DCLK1: variants seen among roughly 807,000 people sequenced by gnomAD.
DCLK1 encodes doublecortin like kinase 1.
A neutral mutation model predicts 86.2 loss-of-function variants in DCLK1; 16 were observed. The observed-to-expected ratio is 0.19, with a 90% CI of 0.13 to 0.28. The LOEUF is 0.28. Among genes scored for constraint, DCLK1 ranks in the 10% least tolerant of loss-of-function variants. DCLK1 has a pLI of 1.00. For synonymous variants in DCLK1, 369 were observed against 370.5 expected (o/e 1.00, Z 0.05); for missense variants, 590 against 940.2 (o/e 0.63, Z 4.87).
chr13:35,850,742 T>C (rs745518715), intron 6 of DCLK1: 2 of 1,603,940 alleles, frequency 1.2e-6, no homozygotes, highest in Admixed American at 3.4e-5. Flanking sequence ...TCCTACTGAA[T>C]CCAAGTCATC....
chr13:36,088,857 T>G (rs1297592664), intron 3 of DCLK1, among the ~76,000 whole-genome samples: 1 of 152,248 alleles, frequency 6.6e-6, no homozygotes, highest in Non-Finnish European at 1.5e-5. Context: ...CACTCACTAT[T>G]CTTAGCCTAC....
intron 11 of DCLK1, among the ~76,000 whole-genome samples, chr13:35,816,657 C>A (rs1001632313): frequency 2.3e-4 from 35 of 152,164 alleles, no homozygotes; most frequent in African/African-American, 7.7e-4. Flanking sequence ...TGTTACACAG[C>A]AAATAAGTGG....
intron 3 of DCLK1, among the ~76,000 whole-genome samples, chr13:35,975,842 G>A (rs148206093): frequency 7.2e-4 from 110 of 152,248 alleles, no homozygotes; most frequent in Middle Eastern, 3.4e-3. Context: ...ACTCAACAGG[G>A]TAGGGAGCCC....
At chr13:35,907,028 A>G (rs958310157) in intron 4 of DCLK1, among the ~76,000 whole-genome samples, 3 of 152,078 alleles carry the variant, frequency 2.0e-5, no homozygotes, top group Non-Finnish European at 4.4e-5. Flanking sequence ...TGCTGAAACG[A>G]CCCGCCATGA....
intron 16 of DCLK1, among the ~76,000 whole-genome samples, chr13:35,775,462 T>C (rs2086408895): frequency 6.6e-6 from 1 of 152,188 alleles, no homozygotes; most frequent in Non-Finnish European, 1.5e-5. Flanking sequence ...CTCCGATGAT[T>C]CCCCGGATGT....
At chr13:35,976,577 C>T (rs9565728) in intron 3 of DCLK1, among the ~76,000 whole-genome samples, 1 of 108,190 alleles carries the variant, frequency 9.2e-6, no homozygotes, top group African/African-American at 3.2e-5. Context: ...GTCGCCCAGG[C>T]TGGAGTGCAG....
At chr13:36,113,519 T>C (rs1885683014) in intron 2 of DCLK1, among the ~76,000 whole-genome samples, 1 of 152,180 alleles carries the variant, frequency 6.6e-6, no homozygotes, top group South Asian at 2.1e-4. Flanking sequence ...TGATATTTTC[T>C]TAAATCCTGA....
At chr13:35,826,843 G>A (rs1032103542) in intron 10 of DCLK1, among the ~76,000 whole-genome samples, 1 of 152,148 alleles carries the variant, frequency 6.6e-6, no homozygotes, top group African/African-American at 2.4e-5. Context: ...GCTCACAGCT[G>A]ATGCAGAAGG....
intron 3 of DCLK1, among the ~76,000 whole-genome samples, chr13:36,025,587 C>T (rs1305871): frequency 1 from 152,307 of 152,350 alleles, 76,132 homozygotes; most frequent in Non-Finnish European, 1. Context: ...ATAACATGAA[C>T]GCATCATGAA....
chr13:35,897,408 G>C (rs558072893), intron 4 of DCLK1, among the ~76,000 whole-genome samples: 1 of 152,168 alleles, frequency 6.6e-6, no homozygotes, highest in African/African-American at 2.4e-5. Flanking sequence ...CGGGAACCAG[G>C]TGTGAGGTAA....
At chr13:35,917,491 C>T (rs543121304) in intron 4 of DCLK1, among the ~76,000 whole-genome samples, 4 of 152,244 alleles carry the variant, frequency 2.6e-5, no homozygotes, top group South Asian at 4.1e-4. Context: ...TTCAAGCAAT[C>T]CCGTCCTACC....
intron 6 of DCLK1, chr13:35,848,141 C>T: frequency 7.1e-6 from 7 of 985,270 alleles, no homozygotes; most frequent in Non-Finnish European, 8.4e-6. Flanking sequence ...TAAGGATTAT[C>T]ATTAGGACAA....
intron 6 of DCLK1, chr13:35,847,841 C>T: frequency 2.0e-6 from 2 of 985,136 alleles, no homozygotes; most frequent in Non-Finnish European, 2.4e-6. Flanking sequence ...ATGAGAGAAC[C>T]TGACACTTCT....
intron 3 of DCLK1, among the ~76,000 whole-genome samples, chr13:35,954,728 T>C (rs745407781): frequency 6.6e-6 from 1 of 151,732 alleles, no homozygotes; most frequent in Non-Finnish European, 1.5e-5. Context: ...CAGAGGAAAA[T>C]ATGTGAATAA....
At chr13:36,028,492 A>C (rs944391553) in intron 3 of DCLK1, among the ~76,000 whole-genome samples, 1 of 152,044 alleles carries the variant, frequency 6.6e-6, no homozygotes, top group Admixed American at 6.6e-5. Flanking sequence ...TACCCACTGA[A>C]CTTCCTCGTT....
At chr13:35,824,604 G>A (rs1401775851) in intron 10 of DCLK1, among the ~76,000 whole-genome samples, 5 of 152,020 alleles carry the variant, frequency 3.3e-5, no homozygotes, top group Non-Finnish European at 5.9e-5. Context: ...CTCATCCCTG[G>A]GTTGTTGTCA....
intron 1 of DCLK1, among the ~76,000 whole-genome samples, chr13:36,128,651 A>G (rs923482152): frequency 3.9e-5 from 6 of 152,198 alleles, no homozygotes; most frequent in African/African-American, 1.4e-4. Context: ...TTAAACCTGG[A>G]GTGTTAATGA....
At chr13:35,921,947 T>C (rs1875827956) in intron 4 of DCLK1, among the ~76,000 whole-genome samples, 1 of 152,148 alleles carries the variant, frequency 6.6e-6, no homozygotes. Context: ...ATTTCATATG[T>C]TGGGTAGAAG....
At chr13:35,834,441 G>A (rs1869203026) in intron 8 of DCLK1, among the ~76,000 whole-genome samples, 1 of 152,188 alleles carries the variant, frequency 6.6e-6, no homozygotes, top group Non-Finnish European at 1.5e-5. Context: ...TCGGACCTAT[G>A]TCTTGCTAAG....
Sources: allele counts gnomAD v4.1 joint callset (sites outside exome capture counted in the v4.1 genomes callset), GRCh38; gene constraint gnomAD v4.1.1; transcripts MANE v1.5; gene names NCBI Gene and HGNC (gene_info 2026-07-23, HGNC 2026-07-21).